Variants in SOAT1 observed in about 807,000 individuals in gnomAD.
SOAT1 encodes sterol O-acyltransferase 1.
A neutral mutation model predicts 69.5 loss-of-function variants in SOAT1; 55 were observed. That is an observed-to-expected ratio of 0.79 (90% CI 0.64 to 0.99). The LOEUF is 0.99. SOAT1 is among the 50% of genes least tolerant of loss of function. The probability of loss-of-function intolerance (pLI) is 0.00; values close to 1 mark genes in which losing one functional copy is unlikely to be tolerated. For missense variants in SOAT1, 580 were observed against 669.3 expected (o/e 0.87, Z 1.47); for synonymous variants, 231 against 224.7 (o/e 1.03, Z -0.25).
At chr1:179,346,943 G>T (rs1049379056) in intron 11 of SOAT1, among the ~76,000 whole-genome samples, 4 of 152,048 alleles carry the variant, frequency 2.6e-5, no homozygotes, top group Middle Eastern at 3.2e-3. Context: ...AATGTCCTGT[G>T]GGGGAGAGGG....
At chr1:179,301,017 C>T (rs1017762833) in intron 1 of SOAT1, among the ~76,000 whole-genome samples, 2 of 152,124 alleles carry the variant, frequency 1.3e-5, no homozygotes, top group Non-Finnish European at 2.9e-5. Context: ...ATTGCCTGAA[C>T]CCAGGAGGCG....
intron 10 of SOAT1, among the ~76,000 whole-genome samples, chr1:179,344,352 GGTTTTTTTTTTTTTTTTTTTTTTTTTT>G (rs200159665): frequency 0.6 from 72,406 of 120,584 alleles, 23,282 homozygotes; most frequent in Middle Eastern, 0.69. Context: ...TTCATTAAGG[GGTTTTTTTTTTTTTTTTTTTTTTTTTT>G]TTTTTTTTTT....
rs1432344964 is a variant in SOAT1, at chr1:179,356,758, T to C, written c.*3117T>C. ...GTTGCCCAGGCTGGTAGTAGCGTGA[T>C]CATAGCTCACTGCAGTCTCAAACTC... On this transcript the variant is annotated 3_prime_UTR_variant, in exon 16 of 16. Transcript: ENST00000367619. The C allele has an allele frequency of 6.6e-6, 1 of 152,038 alleles. No homozygotes were observed. The highest frequency in any genetic ancestry group is 1.5e-5 in the Non-Finnish European group (1 of 68,056). 9.4% of individuals were successfully genotyped at this position (152,038 alleles called of 1,614,324 possible).
chr1:179,334,057 C>G (rs1448403146), intron 3 of SOAT1, among the ~76,000 whole-genome samples: 1 of 152,130 alleles, frequency 6.6e-6, no homozygotes, highest in African/African-American at 2.4e-5. Flanking sequence ...TCTTGAGCCC[C>G]TTCATAGTCG....
chr1:179,312,835 T>C (rs1665265518), intron 2 of SOAT1, among the ~76,000 whole-genome samples: 1 of 152,252 alleles, frequency 6.6e-6, no homozygotes, highest in African/African-American at 2.4e-5. Context: ...GCTTTCCTGA[T>C]GTTTATTACT....
At chr1:179,330,693 T>C (rs539577866) in intron 3 of SOAT1, among the ~76,000 whole-genome samples, 1 of 152,344 alleles carries the variant, frequency 6.6e-6, no homozygotes, top group South Asian at 2.1e-4. Context: ...GAGTCAGACA[T>C]GGTAGACGTT....
chr1:179,348,759 G>A (rs1666615105), intron 12 of SOAT1, 85 bp from the exon 13 acceptor site: 1 of 637,644 alleles, frequency 1.6e-6, no homozygotes, highest in Non-Finnish European at 2.7e-6. Flanking sequence ...TTTCGGGTGG[G>A]ATGTGTGTGT....
chr1:179,341,840 A>C (rs144746606), intron 7 of SOAT1, among the ~76,000 whole-genome samples: 468 of 152,222 alleles, frequency 3.1e-3, no homozygotes, highest in African/African-American at 0.011. Flanking sequence ...GCCACATTGA[A>C]TTATTTTTGA....
At chr1:179,311,731 CAAATT>C (rs1365683441) in intron 2 of SOAT1, among the ~76,000 whole-genome samples, 2 of 152,010 alleles carry the variant, frequency 1.3e-5, no homozygotes, top group African/African-American at 2.4e-5. Flanking sequence ...TTTTAAAAAA[CAAATT>C]AAATATATAA....
Position 179,337,883 on chromosome 1 carries a change from C to A in SOAT1, c.376C>A (p.Arg126Ser). 1 of 1,608,310 alleles carries A rather than the reference C, an allele frequency of 6.2e-7. No homozygotes were observed. The highest frequency in any genetic ancestry group is 8.5e-7 in the Non-Finnish European group (1 of 1,176,858). Residue 126 changes from arginine to serine, a missense_variant, in exon 5 of 16, where the codon CGC (arginine) becomes AGC (serine). Coordinates refer to ENST00000367619, the MANE Select transcript of SOAT1 (RefSeq NM_003101.6). ...PEQGKIFIAR[R>S]SLLDELLEVD... Reference sequence around the variant, plus strand: ...ACAAGGAAAGATTTTTATTGCAAGGCGCTCTCTCTTAGAGTGAGTATTTTT... The same window carrying A: ...ACAAGGAAAGATTTTTATTGCAAGGAGCTCTCTCTTAGAGTGAGTATTTTT...
chr1:179,335,386 T>C, intron 3 of SOAT1, 120 bp from the exon 4 acceptor site: 2 of 851,846 alleles, frequency 2.3e-6, no homozygotes, highest in Non-Finnish European at 3.6e-6. Flanking sequence ...CTTTTACTCC[T>C]GCGAACTCAC....
In SOAT1 at chr1:179,335,749, C is replaced by T; in HGVS notation, c.329+92C>T. ...TGCGGCAAATATGCTTGAGTTCACA[C>T]CCTGGTGTCACTTTCTATTGGCTGT... On this transcript the variant is annotated intron_variant, in intron 4 of 15. Transcript: ENST00000367619. The T allele has an allele frequency of 2.4e-6, 3 of 1,226,826 alleles. No homozygotes were observed. The South Asian group carries it at 5.2e-5, about 21-fold the overall frequency. 76.0% of individuals were successfully genotyped at this position (1,226,826 alleles called of 1,614,324 possible).
intron 2 of SOAT1, among the ~76,000 whole-genome samples, chr1:179,322,152 A>G (rs1285027741): frequency 6.6e-6 from 1 of 152,046 alleles, no homozygotes; most frequent in African/African-American, 2.4e-5. Context: ...CTAAAGTGCT[A>G]GGATTACAAG....
chr1:179,343,462 G>A (rs1275121991), intron 9 of SOAT1, 128 bp from the exon 10 acceptor site: 1 of 662,680 alleles, frequency 1.5e-6, no homozygotes, highest in South Asian at 1.9e-5. Flanking sequence ...CCTGGTCACT[G>A]CCTTCCAAAG....
intron 1 of SOAT1, among the ~76,000 whole-genome samples, chr1:179,298,914 A>G (rs773328431): frequency 6.6e-6 from 1 of 152,184 alleles, no homozygotes; most frequent in Non-Finnish European, 1.5e-5. Context: ...TGTGCTTAGA[A>G]TAATTGGTTA....
chr1:179,341,114 C>G lies in SOAT1; in HGVS notation c.584C>G (p.Thr195Arg), dbSNP rs775560545. The change falls in exon 7 of 16, where the codon ACA becomes AGA. Residue 195 changes from threonine (T) to arginine (R), a missense_variant. By Grantham distance (71) the Thr-to-Arg change is moderately conservative (BLOSUM62 -1). Transcript: ENST00000367619. ...VWTWWIMFLS[T>R]FSVPYFLFQH... ...ACCTGGTGGATCATGTTCCTGTCTA[C>G]ATTTTCAGTTCCCTATTTTCTGTTT... The G allele has an allele frequency of 1.2e-6, 2 of 1,614,076 alleles. No homozygotes were observed. The highest frequency in any genetic ancestry group is 1.7e-6 in the Non-Finnish European group (2 of 1,179,970).
At chr1:179,318,867 T>A (rs1372227808) in intron 2 of SOAT1, among the ~76,000 whole-genome samples, 1 of 152,212 alleles carries the variant, frequency 6.6e-6, no homozygotes, top group Non-Finnish European at 1.5e-5. Flanking sequence ...TTTATGGGTA[T>A]TTGTTTCCAC....
At position 179,339,600 on chromosome 1, in the gene SOAT1, T is replaced by C. The variant is rs1399921286; in HGVS notation, c.497+55T>C. 7.4e-6 allele frequency: 9 copies of C among 1,223,858 alleles called. No homozygotes were observed. In the Admixed American group the frequency reaches 2.0e-4, roughly 27 times the overall value. 75.8% of individuals were successfully genotyped at this position (1,223,858 alleles called of 1,614,324 possible). ...TTGATGCATGAGAAGTTAGAGGTTT[T>C]CACTAAATTTTGGTAAAGGGTAAAT... On this transcript the variant is annotated intron_variant, in intron 6 of 15. Coordinates refer to ENST00000367619, the MANE Select transcript of SOAT1 (RefSeq NM_003101.6).
intron 2 of SOAT1, 73 bp downstream of exon 2, chr1:179,302,875 T>TAAA (rs1664881747): frequency 3.9e-6 from 3 of 761,604 alleles, no homozygotes; most frequent in Non-Finnish European, 6.3e-6. Flanking sequence ...GAATAAGTAT[T>TAAA]GCCATCTCTT....
Sources: allele counts gnomAD v4.1 joint callset (sites outside exome capture counted in the v4.1 genomes callset), GRCh38; gene constraint gnomAD v4.1.1; transcripts MANE v1.5; gene names NCBI Gene and HGNC (gene_info 2026-07-23, HGNC 2026-07-21).